Variants in DGKB observed in about 807,000 individuals in gnomAD.
The protein encoded by DGKB is 90 kDa diacylglycerol kinase.
Under a neutral mutation model 114.3 loss-of-function variants are expected in DGKB, and 67 were observed. That is an observed-to-expected ratio of 0.59 (90% CI 0.48 to 0.72). DGKB has a LOEUF of 0.72. Ranked by LOEUF, DGKB falls within the 30% of genes least tolerant of loss-of-function variation. The probability of loss-of-function intolerance (pLI) is 0.00; values close to 1 mark genes in which losing one functional copy is unlikely to be tolerated. For missense variants in DGKB, 907 were observed against 975.2 expected, an observed-to-expected ratio of 0.93 and a Z score of 0.93; for synonymous variants, 398 against 323.1, an observed-to-expected ratio of 1.23 and a Z score of -2.49.
chr7:14,559,974 TTCC>T (rs1254748783), intron 20 of DGKB, among the ~76,000 whole-genome samples: 2 of 151,328 alleles, frequency 1.3e-5, no homozygotes, highest in East Asian at 3.9e-4. Flanking sequence ...TCTCCCTCCC[TTCC>T]TTTTTGCCTT....
intron 1 of DGKB, among the ~76,000 whole-genome samples, chr7:14,852,735 G>C (rs1849581069): frequency 1.3e-5 from 2 of 152,052 alleles, no homozygotes; most frequent in Admixed American, 1.3e-4. Context: ...GCAGTTGAAT[G>C]GCTTTCTCAA....
intron 1 of DGKB, among the ~76,000 whole-genome samples, chr7:14,887,320 C>T (rs1482599515): frequency 2.0e-5 from 3 of 151,772 alleles, no homozygotes; most frequent in Non-Finnish European, 2.9e-5. Flanking sequence ...CTTCTTGAAA[C>T]GTTTCCTTTC....
intron 2 of DGKB, among the ~76,000 whole-genome samples, chr7:14,777,870 T>C (rs2128482884): frequency 6.6e-6 from 1 of 152,302 alleles, no homozygotes; most frequent in South Asian, 2.1e-4. Flanking sequence ...AATTTGCCCT[T>C]GAGCAAGTTT....
intron 21 of DGKB, among the ~76,000 whole-genome samples, chr7:14,378,704 CA>C (rs1489724505): frequency 4.3e-4 from 65 of 152,088 alleles, no homozygotes; most frequent in African/African-American, 1.5e-3. Context: ...GTAAAACACT[CA>C]GAATTAGAAG....
intron 17 of DGKB, among the ~76,000 whole-genome samples, chr7:14,607,037 GACTA>G (rs1457473168): frequency 6.6e-6 from 1 of 151,714 alleles, no homozygotes; most frequent in Non-Finnish European, 1.5e-5. Context: ...GGCATAAATG[GACTA>G]ACTAGCTTTC....
intron 23 of DGKB, among the ~76,000 whole-genome samples, chr7:14,200,897 T>G (rs1448981322): frequency 6.6e-6 from 1 of 152,002 alleles, no homozygotes; most frequent in East Asian, 1.9e-4. Context: ...GATTCAGTCA[T>G]GAAGGGCCTG....
At chr7:14,733,484 C>G (rs561113668) in intron 5 of DGKB, among the ~76,000 whole-genome samples, 1 of 152,140 alleles carries the variant, frequency 6.6e-6, no homozygotes, top group South Asian at 2.1e-4. Flanking sequence ...GCCAGGCATT[C>G]GAGACCAGCC....
chr7:14,244,937 C>G (rs753056468), intron 23 of DGKB, among the ~76,000 whole-genome samples: 7 of 152,070 alleles, frequency 4.6e-5, no homozygotes, highest in Non-Finnish European at 7.4e-5. Flanking sequence ...TTTGTTATAA[C>G]AGCCCAAATA....
chr7:14,327,819 A>G (rs984716598), intron 23 of DGKB, among the ~76,000 whole-genome samples: 9 of 152,100 alleles, frequency 5.9e-5, no homozygotes, highest in Non-Finnish European at 1.3e-4. Flanking sequence ...AAGTATAAAA[A>G]TTTTTGTAAA....
rs1785085100 is a variant in DGKB, at chr7:14,932,735, A to G, written c.-188+41961T>C. On this transcript the variant is annotated intron_variant, in intron 1 of 4. Transcript: ENST00000437998. ...AGGATCTAAAAGAAGCAGCTATAGC[A>G]CCTAAGGCTTGAGAACCAAAGTATC... Among the ~76,000 whole-genome samples, 4 of 152,146 alleles carry G rather than the reference A, an allele frequency of 2.6e-5. No individual in the cohort carries two copies. The South Asian group carries it at 6.2e-4, about 24-fold the overall frequency.
chr7:14,336,892 G>C (rs1051299154), intron 23 of DGKB, among the ~76,000 whole-genome samples: 1 of 152,098 alleles, frequency 6.6e-6, no homozygotes, highest in Non-Finnish European at 1.5e-5. Context: ...GAATCAATTT[G>C]TATAAGTATC....
At chr7:14,964,920 A>G (rs1260616382) in intron 1 of DGKB, among the ~76,000 whole-genome samples, 1 of 152,206 alleles carries the variant, frequency 6.6e-6, no homozygotes, top group African/African-American at 2.4e-5. Flanking sequence ...ATCATAACCC[A>G]ACAATGATTA....
At chr7:14,667,619 G>A (rs1400841506) in intron 13 of DGKB, among the ~76,000 whole-genome samples, 1 of 151,932 alleles carries the variant, frequency 6.6e-6, no homozygotes, top group Non-Finnish European at 1.5e-5. Context: ...GAGGACTAAC[G>A]ATTTGCTTTA....
chr7:14,549,774 G>A (rs1215352553), intron 20 of DGKB, among the ~76,000 whole-genome samples: 1 of 152,102 alleles, frequency 6.6e-6, no homozygotes, highest in African/African-American at 2.4e-5. Flanking sequence ...GGATCACAAG[G>A]TCAAGAGATC....
chr7:14,242,863 G>A (rs113456575), intron 23 of DGKB, among the ~76,000 whole-genome samples: 10,505 of 85,832 alleles, frequency 0.12, 474 homozygotes, highest in Non-Finnish European at 0.14. Flanking sequence ...ATATATGAAG[G>A]CTGTTTTTTT....
chr7:14,577,142 A>AT (rs1349436358), intron 19 of DGKB, among the ~76,000 whole-genome samples: 7 of 152,180 alleles, frequency 4.6e-5, no homozygotes, highest in Admixed American at 1.3e-4. Context: ...GAATAATGCT[A>AT]TTTTACTTTC....
At chr7:14,861,208 A>T (rs902581967) in intron 1 of DGKB, among the ~76,000 whole-genome samples, 1 of 151,954 alleles carries the variant, frequency 6.6e-6, no homozygotes, top group Non-Finnish European at 1.5e-5. Context: ...TTTATATTTC[A>T]TATTCTCTAA....
At chr7:14,553,865 C>CTTTTTTTTTTTTTTTTTTTT (rs58879064) in intron 20 of DGKB, among the ~76,000 whole-genome samples, 1 of 71,208 alleles carries the variant, frequency 1.4e-5, no homozygotes, top group Non-Finnish European at 2.4e-5. Context: ...CCTTTACATG[C>CTTTTTTTTTTTTTTTTTTTT]TTTTTTTTTT....
chr7:14,859,038 G>T (rs1365591476), intron 1 of DGKB, among the ~76,000 whole-genome samples: 4 of 152,112 alleles, frequency 2.6e-5, no homozygotes, highest in Non-Finnish European at 5.9e-5. Flanking sequence ...GGAGTCAGTA[G>T]AGAAACCAAG....
Sources: gnomAD v4.1 joint callset for allele counts (sites outside exome capture counted in the v4.1 genomes callset) on GRCh38, gnomAD v4.1.1 for gene constraint, MANE v1.5 for transcripts, NCBI Gene and HGNC (gene_info 2026-07-23, HGNC 2026-07-21) for gene names.